The following AMN1 variants were observed in gnomAD, a reference collection of about 807,000 sequenced individuals.
The protein encoded by AMN1 is antagonist of mitotic exit network 1 homolog, also known as protein AMN1 homolog.
AMN1 carries 20 observed loss-of-function variants against 33.0 expected under a neutral mutation model. The observed-to-expected ratio is 0.61, with a 90% CI of 0.43 to 0.88. The LOEUF (loss-of-function observed/expected upper bound fraction) is 0.88, where lower values mean the gene tolerates loss of function less well. AMN1 is among the 40% of genes least tolerant of loss of function. The pLI, the probability that AMN1 is intolerant of heterozygous loss-of-function variation, is 0.00. For missense variants in AMN1, 246 were observed against 307.4 expected (o/e 0.80, Z 1.49); for synonymous variants, 114 against 111.9 (o/e 1.02, Z -0.12).
chr12:31,708,946 G>A, intron 2 of AMN1: 1 of 388,534 alleles, frequency 2.6e-6, no homozygotes, highest in Non-Finnish European at 5.1e-6. Context: ...GAGAGGCTGA[G>A]GCGGATGGAT....
chr12:31,674,484 T>C (rs938955483), intron 6 of AMN1, among the ~76,000 whole-genome samples: 2 of 152,080 alleles, frequency 1.3e-5, no homozygotes, highest in Admixed American at 6.6e-5. Context: ...CTCCTTCTAC[T>C]TTTAAGGACC....
At chr12:31,703,026 T>A (rs1018292589) in intron 2 of AMN1, among the ~76,000 whole-genome samples, 1 of 152,210 alleles carries the variant, frequency 6.6e-6, no homozygotes, top group Non-Finnish European at 1.5e-5. Context: ...CGTGAGCCAC[T>A]GTGCCTGGCC....
intron 2 of AMN1, among the ~76,000 whole-genome samples, chr12:31,707,700 T>C (rs1939300273): frequency 6.6e-6 from 1 of 152,326 alleles, no homozygotes; most frequent in East Asian, 1.9e-4. Flanking sequence ...TGAATTCAAT[T>C]CTAAAACCAC....
chr12:31,712,776 C>A (rs1455902952), intron 1 of AMN1, among the ~76,000 whole-genome samples: 2 of 152,078 alleles, frequency 1.3e-5, no homozygotes, highest in African/African-American at 2.4e-5. Context: ...CTGCCTCAGC[C>A]TCCCAAGTAG....
chr12:31,703,518 T>C (rs1468107473), intron 2 of AMN1, among the ~76,000 whole-genome samples: 1 of 152,156 alleles, frequency 6.6e-6, no homozygotes, highest in African/African-American at 2.4e-5. Context: ...CACCCAGCGA[T>C]TGGCTCCCAC....
intron 3 of AMN1, among the ~76,000 whole-genome samples, 170 bp downstream of exon 3, chr12:31,701,693 A>C (rs1157495742): frequency 6.6e-6 from 1 of 152,240 alleles, no homozygotes; most frequent in Admixed American, 6.5e-5. Context: ...ATTATAAGCA[A>C]GAATTCTAAC....
Position 31,676,612 on chromosome 12 carries a change from G to A in AMN1, c.704-4235C>T, listed in dbSNP as rs190649863. The stretch of plus-strand genomic sequence containing the variant: ...GCTGCAATTACAGGTGTGAGCCACC[G>A]CGCCTGGCCAACACTTCCCAATTTC... On this transcript the variant is annotated intron_variant, in intron 6 of 6. Transcript: ENST00000281471. Among the ~76,000 whole-genome samples, 557 of 151,334 alleles carry A rather than the reference G, an allele frequency of 3.7e-3. 13 individuals carry two copies. The highest frequency in any genetic ancestry group is 0.026 in the South Asian group (122 of 4,774).
intron 1 of AMN1, chr12:31,715,620 CTGATTTAT>C (rs1463243947): frequency 1.4e-4 from 22 of 156,912 alleles, no homozygotes. Flanking sequence ...TCTGAAGCTT[CTGATTTAT>C]TCTGAATTTC....
intron 6 of AMN1, among the ~76,000 whole-genome samples, chr12:31,680,441 T>A (rs1937954519): frequency 6.6e-6 from 1 of 152,132 alleles, no homozygotes; most frequent in South Asian, 2.1e-4. Flanking sequence ...CCTCAGGTGA[T>A]CCGCCTGCCT....
At chr12:31,726,571 A>C (rs1319415290) in intron 1 of AMN1, among the ~76,000 whole-genome samples, 2 of 152,242 alleles carry the variant, frequency 1.3e-5, no homozygotes, top group Non-Finnish European at 2.9e-5. Context: ...GTCAGTGAGG[A>C]GATAAGGAGT....
intron 6 of AMN1, among the ~76,000 whole-genome samples, chr12:31,673,917 T>C (rs1951332957): frequency 2.0e-5 from 3 of 152,230 alleles, no homozygotes; most frequent in South Asian, 4.1e-4. Context: ...AAATTTGTTA[T>C]TGTACAGTTT....
intron 2 of AMN1, chr12:31,708,801 T>A (rs1016499940): frequency 3.4e-5 from 6 of 179,002 alleles, no homozygotes; most frequent in Non-Finnish European, 7.1e-5. Flanking sequence ...CATTGAAATA[T>A]TGGGGGCAGG....
intron 6 of AMN1, among the ~76,000 whole-genome samples, chr12:31,681,975 A>G (rs748167478): frequency 4.6e-5 from 7 of 152,182 alleles, no homozygotes; most frequent in Non-Finnish European, 7.3e-5. Flanking sequence ...CCGCACCCTG[A>G]CACAAATAAC....
intron 1 of AMN1, among the ~76,000 whole-genome samples, chr12:31,718,700 A>C (rs993404478): frequency 2.0e-5 from 3 of 152,180 alleles, no homozygotes; most frequent in Admixed American, 1.3e-4. Flanking sequence ...AGTTTACTGG[A>C]GGTCCACTCC....
At chr12:31,686,227 C>A (rs1436637439) in intron 6 of AMN1, among the ~76,000 whole-genome samples, 2 of 152,108 alleles carry the variant, frequency 1.3e-5, no homozygotes, top group African/African-American at 2.4e-5. Context: ...AGGTGGATCA[C>A]CTGAGGTCAG....
At chr12:31,722,091 T>C (rs1939895784) in intron 1 of AMN1, among the ~76,000 whole-genome samples, 1 of 151,284 alleles carries the variant, frequency 6.6e-6, no homozygotes, top group East Asian at 1.9e-4. Context: ...TGGTGTGTGG[T>C]CCCTCTTACT....
chr12:31,680,839 C>T (rs967741859), intron 6 of AMN1, among the ~76,000 whole-genome samples: 3 of 152,034 alleles, frequency 2.0e-5, no homozygotes, highest in African/African-American at 4.8e-5. Context: ...ATGTGAGCAA[C>T]CATATGAATA....
At chr12:31,720,540 C>CAAAA (rs764141018) in intron 1 of AMN1, among the ~76,000 whole-genome samples, 4 of 124,772 alleles carry the variant, frequency 3.2e-5, no homozygotes, top group Non-Finnish European at 5.2e-5. Flanking sequence ...AACTCTGTCT[C>CAAAA]AAAAAAAAAA....
At chr12:31,711,616 A>T (rs1222768312) in intron 1 of AMN1, among the ~76,000 whole-genome samples, 1 of 152,228 alleles carries the variant, frequency 6.6e-6, no homozygotes. Flanking sequence ...ACATATTTTC[A>T]GGGTACATGT....
Sources: gnomAD v4.1 joint callset for allele counts (sites outside exome capture counted in the v4.1 genomes callset) on GRCh38, gnomAD v4.1.1 for gene constraint, MANE v1.5 for transcripts, NCBI Gene and HGNC (gene_info 2026-07-23, HGNC 2026-07-21) for gene names.